The following SPATA7 variants were observed in gnomAD, a reference collection of about 807,000 sequenced individuals.
The protein encoded by SPATA7 is spermatogenesis associated 7.
In SPATA7, 43 loss-of-function variants were observed where a neutral mutation model predicts 51.8. That is an observed-to-expected ratio of 0.83 (90% CI 0.65 to 1.07). SPATA7 has a LOEUF of 1.07. SPATA7 is among the 50% of genes least tolerant of loss of function. The pLI, the probability that SPATA7 is intolerant of heterozygous loss-of-function variation, is 0.00. For synonymous variants in SPATA7, 230 were observed against 252.8 expected, an observed-to-expected ratio of 0.91 and a Z score of 0.86; for missense variants, 683 against 701.3, an observed-to-expected ratio of 0.97 and a Z score of 0.30.
At chr14:88,429,136 A>C in intron 7 of SPATA7, 2 of 349,402 alleles carry the variant, frequency 5.7e-6, no homozygotes, top group South Asian at 8.4e-5. Flanking sequence ...AATGCCACTC[A>C]TTAAAATACA....
downstream of SPATA7, among the ~76,000 whole-genome samples, chr14:88,460,278 C>T (rs1193875218): frequency 6.6e-6 from 1 of 152,174 alleles, no homozygotes; most frequent in Non-Finnish European, 1.5e-5. Context: ...TGGGGAAGTT[C>T]TCCTGGATAA....
At position 88,390,287 on chromosome 14, in the gene SPATA7, C is replaced by T. The variant is rs535103790; in HGVS notation, c.20-1094C>T. 6.1e-4 allele frequency among the ~76,000 whole-genome samples: 90 copies of T among 148,680 alleles called. 1 individual carries two copies. Among genetic ancestry groups the T allele is most frequent in the Non-Finnish European group, 1.0e-3 (68 of 67,358 alleles). On this transcript the variant is annotated intron_variant, in intron 1 of 11. Coordinates refer to ENST00000393545, the MANE Select transcript of SPATA7 (RefSeq NM_018418.5). ...TTTTTTTTTGGCTAATGTAAAGAAA[C>T]GTCTAGGGAAGGAAGAGCTTCAAAC...
intron 1 of SPATA7, among the ~76,000 whole-genome samples, chr14:88,387,462 T>C (rs2075612692): frequency 6.6e-6 from 1 of 150,390 alleles, no homozygotes; most frequent in East Asian, 1.9e-4. Flanking sequence ...TGTAAATTAA[T>C]AGGAAACCAT....
intron 4 of SPATA7, among the ~76,000 whole-genome samples, chr14:88,406,517 T>A (rs1433805830): frequency 6.6e-6 from 1 of 151,944 alleles, no homozygotes; most frequent in Non-Finnish European, 1.5e-5. Context: ...CAAATCAAAA[T>A]GATCTTTAAT....
At chr14:88,461,707 C>T (rs1179864835) in intron 4 of SPATA7, among the ~76,000 whole-genome samples, 1 of 151,912 alleles carries the variant, frequency 6.6e-6, no homozygotes, top group Admixed American at 6.5e-5. Context: ...GTGGGCTGCA[C>T]CCACTGTCCT....
At chr14:88,455,320 G>T, downstream of SPATA7, 1 of 231,380 alleles carries the variant, frequency 4.3e-6, no homozygotes, top group Non-Finnish European at 8.9e-6. Context: ...ATGACAGATT[G>T]GCACCTACTA....
rs201762735 is a variant in SPATA7 at position 88,393,504 on chromosome 14, T to C, written c.190+16T>C. The C allele has an allele frequency of 2.3e-4, 356 of 1,558,430 alleles. No homozygotes were observed. In the African/African-American group the frequency reaches 4.5e-3, roughly 20 times the overall value. ...TCAGCCAAAGGTAAAAATGTGCAAA[T>C]GTGAACTCTCTGTACTCAATTTAAA... On this transcript the variant is annotated intron_variant, in intron 3 of 11. Coordinates refer to ENST00000393545, the MANE Select transcript of SPATA7 (RefSeq NM_018418.5).
intron 3 of SPATA7, among the ~76,000 whole-genome samples, chr14:88,449,714 A>AT (rs1031175568): frequency 1.3e-5 from 2 of 151,902 alleles, no homozygotes; most frequent in African/African-American, 2.4e-5. Context: ...CATCTATCTC[A>AT]TTTTTTTGGT....
chr14:88,407,629 A>G (rs2076232957), intron 4 of SPATA7, among the ~76,000 whole-genome samples: 1 of 152,064 alleles, frequency 6.6e-6, no homozygotes, highest in African/African-American at 2.4e-5. Context: ...CCATTTGTCA[A>G]TTTTGGCTTT....
intron 3 of SPATA7, among the ~76,000 whole-genome samples, chr14:88,449,113 T>A (rs1198245461): frequency 1.3e-5 from 2 of 152,070 alleles, no homozygotes; most frequent in East Asian, 3.9e-4. Flanking sequence ...TGGGTTTGGG[T>A]TTGGTTGATT....
intron 3 of SPATA7, 146 bp downstream of exon 3, chr14:88,393,634 A>C: frequency 1.6e-6 from 1 of 619,812 alleles, no homozygotes; most frequent in Non-Finnish European, 2.8e-6. Context: ...CAAACTATTG[A>C]CTCTAGGTAC....
At position 88,437,851 on chromosome 14, in the gene SPATA7, AC is replaced by A; in HGVS notation, c.1231del (p.Leu411CysfsTer5). 1 of 1,591,222 alleles carries A rather than the reference AC, an allele frequency of 6.3e-7. No homozygotes were observed. The highest frequency in any genetic ancestry group is 8.5e-7 in the Non-Finnish European group (1 of 1,172,430). ...TCTTAATCCTAGGAAAAAATGCGCC[AC>A]CTGCTGCATGTCCTGAAAGTAGACT... ...NKHLEEEKMR[H>X]LLHVLKVDLG... On this transcript the variant is annotated frameshift_variant, in exon 12 of 12. Transcript: ENST00000393545. LOFTEE classifies it low-confidence loss of function (END_TRUNC).
chr14:88,388,353 T>C (rs2075640186), intron 1 of SPATA7, among the ~76,000 whole-genome samples: 1 of 152,220 alleles, frequency 6.6e-6, no homozygotes, highest in African/African-American at 2.4e-5. Flanking sequence ...TCAAATTGTG[T>C]AGGAAAATGG....
At chr14:88,440,739 AGG>A (rs2077172945), downstream of SPATA7, among the ~76,000 whole-genome samples, 9 of 152,046 alleles carry the variant, frequency 5.9e-5, no homozygotes, top group African/African-American at 2.2e-4. Context: ...TATCTTGGAG[AGG>A]GGTAATTATA....
chr14:88,457,079 T>A (rs1457145877), downstream of SPATA7, among the ~76,000 whole-genome samples: 1 of 152,162 alleles, frequency 6.6e-6, no homozygotes, highest in African/African-American at 2.4e-5. Context: ...GTTCCATTGG[T>A]CTATATCTCT....
At chr14:88,456,291 A>G (rs1335315836), downstream of SPATA7, among the ~76,000 whole-genome samples, 1 of 152,212 alleles carries the variant, frequency 6.6e-6, no homozygotes, top group Non-Finnish European at 1.5e-5. Flanking sequence ...TCCCTGAGGA[A>G]TCGCCACACT....
At chr14:88,464,929 T>C (rs920640637) in intron 4 of SPATA7, among the ~76,000 whole-genome samples, 3 of 152,146 alleles carry the variant, frequency 2.0e-5, no homozygotes, top group Non-Finnish European at 4.4e-5. Context: ...GGTGAAAGCT[T>C]CACAGAAAAG....
At chr14:88,429,209 C>A in intron 7 of SPATA7, 139 bp from the exon 8 acceptor site, 1 of 516,680 alleles carries the variant, frequency 1.9e-6, no homozygotes, top group South Asian at 2.8e-5. Context: ...AAAAATTATT[C>A]TAAAATATTC....
intron 4 of SPATA7, among the ~76,000 whole-genome samples, chr14:88,398,363 G>A (rs1011974352): frequency 6.6e-6 from 1 of 151,244 alleles, no homozygotes; most frequent in African/African-American, 2.4e-5. Context: ...ATCATTCTCA[G>A]TAAACTATCA....
Sources: allele counts gnomAD v4.1 joint callset (sites outside exome capture counted in the v4.1 genomes callset), GRCh38; gene constraint gnomAD v4.1.1; transcripts MANE v1.5; gene names NCBI Gene and HGNC (gene_info 2026-07-23, HGNC 2026-07-21).